EPB41: variants seen among roughly 807,000 people sequenced by gnomAD.
EPB41 encodes the protein protein 4.1.
A neutral mutation model predicts 108.0 loss-of-function variants in EPB41; 65 were observed. The ratio of observed to expected loss-of-function variants is 0.60; its 90% CI spans 0.49 to 0.74. The LOEUF (loss-of-function observed/expected upper bound fraction) is 0.74, where lower values mean the gene tolerates loss of function less well. Ranked by LOEUF, EPB41 falls within the 30% of genes least tolerant of loss-of-function variation. The probability of loss-of-function intolerance (pLI) is 0.00; values close to 1 mark genes in which losing one functional copy is unlikely to be tolerated. For synonymous variants in EPB41, 336 were observed against 358.9 expected, an observed-to-expected ratio of 0.94 and a Z score of 0.72; for missense variants, 875 against 1,037.0, an observed-to-expected ratio of 0.84 and a Z score of 2.15.
chr1:28,987,958 T>A, intron 2 of EPB41, 53 bp downstream of exon 2: 1 of 1,575,358 alleles, frequency 6.3e-7, no homozygotes, highest in African/African-American at 1.3e-5. Flanking sequence ...TTATACACTT[T>A]ATTTTTCATT....
chr1:28,944,461 C>T (rs748915431), intron 1 of EPB41, among the ~76,000 whole-genome samples: 4 of 151,124 alleles, frequency 2.6e-5, no homozygotes, highest in Non-Finnish European at 5.9e-5. Flanking sequence ...CATATCAAAT[C>T]ATCTCACATA....
chr1:28,913,614 TG>T (rs1209529132), upstream of EPB41, among the ~76,000 whole-genome samples: 1 of 152,212 alleles, frequency 6.6e-6, no homozygotes, highest in Non-Finnish European at 1.5e-5. Context: ...TCAGATGGCC[TG>T]GCTTCTTATC....
chr1:29,027,215 CACTT>C (rs1558068339), intron 7 of EPB41, among the ~76,000 whole-genome samples: 4 of 152,106 alleles, frequency 2.6e-5, no homozygotes, highest in African/African-American at 9.7e-5. Flanking sequence ...GATTGTAACT[CACTT>C]ACAGCCTTAA....
intron 10 of EPB41, among the ~76,000 whole-genome samples, chr1:29,038,963 GA>G (rs1572891334): frequency 6.6e-6 from 1 of 152,212 alleles, no homozygotes; most frequent in East Asian, 1.9e-4. Flanking sequence ...ATAAAATGGG[GA>G]AAACATTATA....
chr1:28,963,673 G>A (rs2095285354), intron 1 of EPB41, among the ~76,000 whole-genome samples: 1 of 152,056 alleles, frequency 6.6e-6, no homozygotes, highest in African/African-American at 2.4e-5. Flanking sequence ...ATCGTTCATG[G>A]CAACAAAAAG....
intron 11 of EPB41, 36 bp downstream of exon 11, chr1:29,039,462 A>G: frequency 1.2e-6 from 2 of 1,611,050 alleles, no homozygotes; most frequent in Non-Finnish European, 1.7e-6. Flanking sequence ...TTGTGATCAT[A>G]ATTCATTTGG....
intron 1 of EPB41, among the ~76,000 whole-genome samples, chr1:28,896,233 T>G (rs945484728): frequency 6.6e-6 from 1 of 152,172 alleles, no homozygotes; most frequent in Non-Finnish European, 1.5e-5. Flanking sequence ...CAATGGTTAT[T>G]GTTATTATTA....
intron 16 of EPB41, among the ~76,000 whole-genome samples, chr1:29,090,515 C>T (rs1422745313): frequency 6.6e-6 from 1 of 152,044 alleles, no homozygotes; most frequent in Non-Finnish European, 1.5e-5. Flanking sequence ...CTTTGGGAGG[C>T]TGAGGCAGGT....
intron 4 of EPB41, among the ~76,000 whole-genome samples, chr1:29,010,099 G>A (rs895370254): frequency 6.6e-6 from 1 of 152,120 alleles, no homozygotes; most frequent in Non-Finnish European, 1.5e-5. Context: ...CACTTTGGGA[G>A]GCCGAGGTGG....
At chr1:28,978,920 A>G (rs1373440860) in intron 1 of EPB41, among the ~76,000 whole-genome samples, 1 of 151,396 alleles carries the variant, frequency 6.6e-6, no homozygotes, top group Non-Finnish European at 1.5e-5. Context: ...TGCCACTGGC[A>G]TCCTAGAGTC....
At chr1:28,981,436 C>T (rs574744529) in intron 1 of EPB41, among the ~76,000 whole-genome samples, 11 of 152,308 alleles carry the variant, frequency 7.2e-5, no homozygotes, top group Admixed American at 3.9e-4. Flanking sequence ...AGCAGCTATT[C>T]GTGGTGATGT....
intron 1 of EPB41, chr1:28,985,820 T>A (rs2095858404): frequency 6.6e-6 from 1 of 152,164 alleles, no homozygotes; most frequent in Admixed American, 6.5e-5. Context: ...AAAATTTTTT[T>A]TTTTATTTTA....
Position 29,065,019 on chromosome 1 carries a change from A to G in EPB41, c.2045A>G (p.His682Arg). 6.2e-7 allele frequency: 1 copy of G among 1,614,148 alleles called. No individual in the cohort carries two copies. The highest frequency in any genetic ancestry group is 8.5e-7 in the Non-Finnish European group (1 of 1,180,018). ...DKSQEEIKKHHASISELKKNF... is the reference protein window; with the variant it reads ...DKSQEEIKKHRASISELKKNF... ...AGTCAAGAGGAGATCAAAAAACATC[A>G]TGCCAGCATCAGTGAGCTGAAAAAG... Residue 682 changes from histidine to arginine, a missense_variant, in exon 16 of 21, where the codon CAT (histidine) becomes CGT (arginine). By Grantham distance (29) the His-to-Arg change is conservative (BLOSUM62 0). This residue lies in a region of EPB41 where 519 missense variants were observed against 627.3 expected (regional missense o/e 0.83). Coordinates refer to ENST00000343067, the MANE Select transcript of EPB41 (RefSeq NM_001376013.1).
intron 17 of EPB41, among the ~76,000 whole-genome samples, chr1:29,107,369 C>A (rs1558326650): frequency 6.6e-6 from 1 of 152,040 alleles, no homozygotes; most frequent in Non-Finnish European, 1.5e-5. Context: ...GAGTCTTGGA[C>A]AAATTCTTAA....
At chr1:28,985,679 TG>T (rs1417296759) in intron 1 of EPB41, 5 of 152,212 alleles carry the variant, frequency 3.3e-5, no homozygotes, top group Non-Finnish European at 7.3e-5. Flanking sequence ...TCATTCAGAT[TG>T]TTAACATCCA....
chr1:28,899,706 A>G (rs2091077025), intron 1 of EPB41, among the ~76,000 whole-genome samples: 1 of 152,112 alleles, frequency 6.6e-6, no homozygotes, highest in Admixed American at 6.5e-5. Flanking sequence ...TGGAAGGAAC[A>G]CCAGCCCTCC....
chr1:29,064,322 T>C (rs1037703654), intron 15 of EPB41, among the ~76,000 whole-genome samples: 1 of 152,216 alleles, frequency 6.6e-6, no homozygotes, highest in African/African-American at 2.4e-5. Flanking sequence ...TATGTACCTC[T>C]GAGTGATTTT....
chr1:28,928,952 T>C (rs914647721), intron 1 of EPB41, among the ~76,000 whole-genome samples: 2 of 152,220 alleles, frequency 1.3e-5, no homozygotes, highest in Admixed American at 6.5e-5. Context: ...TACTGACTGC[T>C]GTGTGTCTGT....
intron 1 of EPB41, among the ~76,000 whole-genome samples, chr1:28,977,895 A>G (rs1557886529): frequency 1.3e-5 from 2 of 151,538 alleles, no homozygotes; most frequent in Non-Finnish European, 2.9e-5. Flanking sequence ...TGTTTAATTC[A>G]TATTAACCTC....
Sources: gnomAD v4.1 joint callset for allele counts (sites outside exome capture counted in the v4.1 genomes callset) on GRCh38, gnomAD v4.1.1 for gene constraint, gnomAD v4.1.1 regional missense constraint, MANE v1.5 for transcripts, NCBI Gene and HGNC (gene_info 2026-07-23, HGNC 2026-07-21) for gene names.